DCAF17: variants seen among roughly 807,000 people sequenced by gnomAD.
The protein encoded by DCAF17 is DDB1- and CUL4-associated factor 17.
A neutral mutation model predicts 66.0 loss-of-function variants in DCAF17; 48 were observed. That is an observed-to-expected ratio of 0.73 (90% CI 0.58 to 0.92). The LOEUF (loss-of-function observed/expected upper bound fraction) is 0.92, where lower values mean the gene tolerates loss of function less well. Ranked by LOEUF, DCAF17 falls within the 40% of genes least tolerant of loss-of-function variation. The pLI is 0.00. For synonymous variants in DCAF17, 206 were observed against 214.6 expected (o/e 0.96, Z 0.35); for missense variants, 562 against 622.8 (o/e 0.90, Z 1.04).
At chr2:171,448,024 C>T (rs1164809340) in intron 3 of DCAF17, among the ~76,000 whole-genome samples, 1 of 152,210 alleles carries the variant, frequency 6.6e-6, no homozygotes, top group Non-Finnish European at 1.5e-5. Context: ...AGGTTAGAAC[C>T]ACAGTGAATA....
At chr2:171,449,808 A>G in intron 4 of DCAF17, 71 bp from the exon 5 acceptor site, 2 of 936,640 alleles carry the variant, frequency 2.1e-6, no homozygotes, top group Non-Finnish European at 3.2e-6. Context: ...TACTTATAAA[A>G]TATAATATTT....
intron 8 of DCAF17, among the ~76,000 whole-genome samples, chr2:171,460,630 A>T (rs1292563252): frequency 2.0e-5 from 3 of 151,996 alleles, no homozygotes; most frequent in Non-Finnish European, 2.9e-5. Flanking sequence ...TCTTGGGCTC[A>T]AGTGATCATC....
intron 8 of DCAF17, among the ~76,000 whole-genome samples, chr2:171,463,501 T>C (rs1474141807): frequency 6.6e-6 from 1 of 152,178 alleles, no homozygotes; most frequent in Non-Finnish European, 1.5e-5. Flanking sequence ...GACTTAGTTT[T>C]CATTATATCT....
At chr2:171,466,129 G>A (rs895059367) in intron 8 of DCAF17, among the ~76,000 whole-genome samples, 4 of 152,144 alleles carry the variant, frequency 2.6e-5, no homozygotes, top group African/African-American at 7.2e-5. Context: ...TTCCTGCAGT[G>A]TTGGGATTAC....
intron 6 of DCAF17, among the ~76,000 whole-genome samples, chr2:171,456,450 T>C (rs1356585878): frequency 2.0e-5 from 3 of 152,240 alleles, no homozygotes; most frequent in Non-Finnish European, 4.4e-5. Flanking sequence ...TCCAGCTTTG[T>C]TCTTTTTGCT....
intron 8 of DCAF17, among the ~76,000 whole-genome samples, chr2:171,465,620 C>T (rs1431412066): frequency 3.3e-5 from 5 of 152,210 alleles, no homozygotes; most frequent in Non-Finnish European, 1.5e-5. Context: ...GCTGGGACTA[C>T]AGGCACACAC....
chr2:171,462,557 G>A (rs767115585), intron 8 of DCAF17, among the ~76,000 whole-genome samples: 94 of 152,020 alleles, frequency 6.2e-4, no homozygotes, highest in African/African-American at 2.2e-3. Context: ...TAGAACTTTC[G>A]ATACAATATG....
chr2:171,473,976 G>A lies in DCAF17; in HGVS notation c.1091+1G>A. On this transcript the variant is annotated splice_donor_variant, in intron 10 of 13. Transcript: ENST00000375255. LOFTEE classifies it high-confidence loss of function. ...TACATGTTGGTCCAAATCAAGTCAAGTGAGTAATCTCATTAGCACTTGAAA... is the reference window on the plus strand; with the variant it reads ...TACATGTTGGTCCAAATCAAGTCAAATGAGTAATCTCATTAGCACTTGAAA... 6.2e-7 allele frequency: 1 copy of A among 1,610,596 alleles called. No individual in the cohort carries two copies. Among genetic ancestry groups the A allele is most frequent in the South Asian group, 1.1e-5 (1 of 90,982 alleles).
intron 3 of DCAF17, among the ~76,000 whole-genome samples, chr2:171,447,195 A>C (rs150373361): frequency 1.6e-3 from 241 of 147,404 alleles, no homozygotes; most frequent in African/African-American, 5.5e-3. Flanking sequence ...GTAGTCATAC[A>C]AAAAAAAAAC....
Position 171,484,867 on chromosome 2 carries a change from C to T in DCAF17, c.*3753C>T, listed in dbSNP as rs1319613018. On this transcript the variant is annotated 3_prime_UTR_variant, in exon 14 of 14. Coordinates refer to ENST00000375255, the MANE Select transcript of DCAF17 (RefSeq NM_025000.4). ...AAAATGTAATGCTTCTTTCACTTAG[C>T]ATAATGTTTTTGAGATTTATTCATG... 2.2e-6 allele frequency: 1 copy of T among 453,728 alleles called. No homozygotes were observed. The highest frequency in any genetic ancestry group is 4.4e-6 in the Non-Finnish European group (1 of 226,718). The allele number at this position is 453,728 out of a possible 1,614,324, so 28.1% of individuals were successfully genotyped here.
intron 5 of DCAF17, among the ~76,000 whole-genome samples, chr2:171,452,542 C>T (rs1185460236): frequency 6.6e-6 from 1 of 152,200 alleles, no homozygotes; most frequent in African/African-American, 2.4e-5. Context: ...CAGCTTCAAA[C>T]TCCCGGGCTG....
chr2:171,448,472 T>C (rs1417248780), intron 3 of DCAF17, among the ~76,000 whole-genome samples: 2 of 152,240 alleles, frequency 1.3e-5, no homozygotes, highest in Non-Finnish European at 2.9e-5. Flanking sequence ...TTTAAGTGCT[T>C]TATGTGAATA....
intron 3 of DCAF17, chr2:171,447,445 C>A: frequency 3.8e-6 from 1 of 263,270 alleles, no homozygotes; most frequent in Non-Finnish European, 7.6e-6. Flanking sequence ...ACCGCAACCT[C>A]CACCTCCCGG....
chr2:171,455,832 A>G (rs1449550822), intron 6 of DCAF17, among the ~76,000 whole-genome samples: 3 of 151,512 alleles, frequency 2.0e-5, no homozygotes, highest in Non-Finnish European at 4.4e-5. Flanking sequence ...GTATCTGTTC[A>G]TGTCCTTTGC....
intron 10 of DCAF17, among the ~76,000 whole-genome samples, chr2:171,476,149 C>G (rs893870160): frequency 1.4e-5 from 2 of 146,728 alleles, no homozygotes; most frequent in African/African-American, 5.0e-5. Flanking sequence ...CTCTGCTGTT[C>G]TTTTTTTTTT....
At chr2:171,442,360 C>T (rs1694352229) in intron 2 of DCAF17, among the ~76,000 whole-genome samples, 1 of 150,816 alleles carries the variant, frequency 6.6e-6, no homozygotes, top group African/African-American at 2.4e-5. Flanking sequence ...AGTTCGAGAC[C>T]AGCCTGACCA....
chr2:171,453,355 A>T (rs1695065055), intron 6 of DCAF17, 142 bp downstream of exon 6: 1 of 628,120 alleles, frequency 1.6e-6, no homozygotes, highest in African/African-American at 1.8e-5. Flanking sequence ...TTTGTAACAA[A>T]ATACATGAGA....
At chr2:171,449,264 T>G (rs1488062334) in intron 4 of DCAF17, among the ~76,000 whole-genome samples, 1 of 152,216 alleles carries the variant, frequency 6.6e-6, no homozygotes, top group Non-Finnish European at 1.5e-5. Context: ...CACCTCAGCC[T>G]CCTAAAGTTC....
intron 8 of DCAF17, among the ~76,000 whole-genome samples, chr2:171,460,299 G>A (rs931827352): frequency 1.3e-5 from 2 of 148,652 alleles, no homozygotes; most frequent in Non-Finnish European, 3.0e-5. Context: ...CTCTAGCCTG[G>A]GCGATTGAGC....
Sources: allele counts gnomAD v4.1 joint callset (sites outside exome capture counted in the v4.1 genomes callset), GRCh38; gene constraint gnomAD v4.1.1; transcripts MANE v1.5; gene names NCBI Gene and HGNC (gene_info 2026-07-23, HGNC 2026-07-21).